Variants in CSNK1D observed in about 807,000 individuals in gnomAD.
CSNK1D encodes the protein casein kinase 1 delta.
A neutral mutation model predicts 46.6 loss-of-function variants in CSNK1D; 16 were observed. The observed-to-expected ratio is 0.34, with a 90% CI of 0.23 to 0.52. The LOEUF (loss-of-function observed/expected upper bound fraction) is 0.52. Ranked by LOEUF, CSNK1D falls within the 20% of genes least tolerant of loss-of-function variation. CSNK1D has a pLI of 0.95. For synonymous variants in CSNK1D, 276 were observed against 228.2 expected (o/e 1.21, Z -1.89); for missense variants, 398 against 578.4 (o/e 0.69, Z 3.20).
rs757504731 is a variant in CSNK1D, at chr17:82,249,565, C to G, written c.923G>C (p.Arg308Pro). The G allele has an allele frequency of 6.4e-7, 1 of 1,553,706 alleles. No homozygotes were observed. Among genetic ancestry groups the G allele is most frequent in the Non-Finnish European group, 8.7e-7 (1 of 1,152,304 alleles). The change falls in exon 7 of 9, where the codon CGC becomes CCC. Residue 308 changes from arginine to proline, a missense_variant. This residue lies in a region of CSNK1D where 181 missense variants were observed against 208.0 expected (regional missense o/e 0.87). Coordinates refer to ENST00000314028, the MANE Select transcript of CSNK1D (RefSeq NM_001893.6). The surrounding 1 kb of genome is among the most constrained non-coding windows in gnomAD (Gnocchi z 6.7). ...TCTCAGCCGCTCCTCTCGGTCCCTG[C>G]GCTCCCGCTCGGCGTCATCGGCGGC... ...SRAADDAERE[R>P]RDREERLRHS...
rs2050799046 is a variant in CSNK1D at position 82,244,454 on chromosome 17, TCAGGGAGTA to T, written c.*318_*326del. On this transcript the variant is annotated 3_prime_UTR_variant, in exon 9 of 9. Transcript: ENST00000314028. ...AAGATTGGTAGTTACAGTGGAATCG[TCAGGGAGTA>T]CAGGGCGGCCACCACTGGAGGGAGC... 3.0e-6 allele frequency: 4 copies of T among 1,327,980 alleles called. No homozygotes were observed. Among genetic ancestry groups the T allele is most frequent in the Admixed American group, 3.2e-5 (1 of 31,572 alleles). The allele number at this position is 1,327,980 out of a possible 1,614,324, so 82.3% of individuals were successfully genotyped here.
At chr17:82,240,114 T>C, downstream of CSNK1D, 4 of 1,213,804 alleles carry the variant, frequency 3.3e-6, no homozygotes, top group Non-Finnish European at 4.1e-6. Context: ...GCTGTCCCCA[T>C]CTGCCCCTGG....
chr17:82,246,981 T>C (rs2050866980), intron 8 of CSNK1D: 1 of 985,476 alleles, frequency 1.0e-6, no homozygotes. Flanking sequence ...GTGCTGGTGC[T>C]GGCAGAGTCT....
chr17:82,258,246 A>G (rs2051232353), intron 2 of CSNK1D, among the ~76,000 whole-genome samples: 1 of 150,822 alleles, frequency 6.6e-6, no homozygotes, highest in Non-Finnish European at 1.5e-5. Context: ...AGGCATATAC[A>G]TATATATGTG....
chr17:82,265,308 A>G lies in CSNK1D; in HGVS notation c.187+378T>C, dbSNP rs191102014. ...ATTCTCCTGCCTCAGCCTCCCAAAC[A>G]GCTGGGATTACAGGTGCACGCCATC... On this transcript the variant is annotated intron_variant, in intron 2 of 8. Transcript: ENST00000314028. 4.7e-3 allele frequency: 1,571 copies of G among 330,816 alleles called. 18 individuals carry two copies. The highest frequency in any genetic ancestry group is 0.023 in the South Asian group (936 of 40,230). The allele number at this position is 330,816 out of a possible 1,614,324, so 20.5% of individuals were successfully genotyped here.
At chr17:82,239,053 A>T, downstream of CSNK1D, 1 of 1,417,458 alleles carries the variant, frequency 7.1e-7, no homozygotes, top group South Asian at 1.5e-5. Flanking sequence ...TACAAACTGG[A>T]CTGGCTCAGG....
chr17:82,260,767 G>T (rs1181106940), intron 2 of CSNK1D: 2 of 155,646 alleles, frequency 1.3e-5, no homozygotes, highest in Non-Finnish European at 2.8e-5. Flanking sequence ...TATACTGACT[G>T]ATGTGACTGA....
At chr17:82,270,370 A>T (rs747080495) in intron 1 of CSNK1D, among the ~76,000 whole-genome samples, 18 of 152,174 alleles carry the variant, frequency 1.2e-4, no homozygotes, top group Non-Finnish European at 2.2e-4. Flanking sequence ...ATCTGAAAGC[A>T]CAGAAAGTCC....
chr17:82,265,634 C>T, intron 2 of CSNK1D, 52 bp downstream of exon 2: 2 of 1,395,214 alleles, frequency 1.4e-6, no homozygotes, highest in South Asian at 1.2e-5. Context: ...AGTTGCTGTT[C>T]TCCCTTGTCA....
chr17:82,241,044 A>T (rs1030098981), downstream of CSNK1D, among the ~76,000 whole-genome samples: 3 of 152,112 alleles, frequency 2.0e-5, no homozygotes, highest in Non-Finnish European at 2.9e-5. Flanking sequence ...TTCTAGTGCC[A>T]AAAGTGGTTC....
At chr17:82,257,301 T>A (rs2051197146) in intron 2 of CSNK1D, among the ~76,000 whole-genome samples, 2 of 152,236 alleles carry the variant, frequency 1.3e-5, no homozygotes, top group African/African-American at 2.4e-5. Context: ...GCATGTTTTT[T>A]ATTTTCTTCT....
chr17:82,253,462 T>G, intron 3 of CSNK1D: 1 of 557,472 alleles, frequency 1.8e-6, no homozygotes, highest in South Asian at 1.8e-5. Flanking sequence ...CCTAGGCGCT[T>G]TGCCTTCAGC....
chr17:82,268,678 T>C (rs926842270), intron 1 of CSNK1D, among the ~76,000 whole-genome samples: 2 of 152,164 alleles, frequency 1.3e-5, no homozygotes, highest in African/African-American at 4.8e-5. Context: ...CAAATTCAAC[T>C]CTTCCCTGCA....
chr17:82,248,816 C>A lies in CSNK1D; in HGVS notation c.1197+59G>T, dbSNP rs548941785. ...GAAGCCCTGGAGAAACCACAGCCCG[C>A]TCTTGACTCGGACGGGGTAGCCCGA... On this transcript the variant is annotated intron_variant, in intron 8 of 8. Coordinates refer to ENST00000314028, the MANE Select transcript of CSNK1D (RefSeq NM_001893.6). The surrounding 1 kb of genome is among the most constrained non-coding windows in gnomAD (Gnocchi z 4.1). 1.5e-4 allele frequency: 230 copies of A among 1,576,456 alleles called. No homozygotes were observed. Among genetic ancestry groups the A allele is most frequent in the Non-Finnish European group, 1.8e-4 (205 of 1,160,980 alleles).
At chr17:82,245,330 G>A (rs991870561) in intron 8 of CSNK1D, 2 of 273,744 alleles carry the variant, frequency 7.3e-6, no homozygotes, top group African/African-American at 4.4e-5. Flanking sequence ...AGCACAGCGT[G>A]GACGCCGGCC....
At chr17:82,260,001 T>C (rs1209120360) in intron 2 of CSNK1D, among the ~76,000 whole-genome samples, 4 of 151,020 alleles carry the variant, frequency 2.6e-5, no homozygotes. Flanking sequence ...TACTGAGTGA[T>C]GTGACTGATG....
rs113370422 is a variant in CSNK1D, at chr17:82,270,483, T to A, written c.76+2823A>T. ...GTAGGAATGGTCTTAACGATACTCA[T>A]ACTAGAATATACACGACACACAGAG... On this transcript the variant is annotated intron_variant, in intron 1 of 8. Coordinates refer to ENST00000314028, the MANE Select transcript of CSNK1D (RefSeq NM_001893.6). Among the ~76,000 whole-genome samples, 166 of 152,300 alleles carry A rather than the reference T, an allele frequency of 1.1e-3. No homozygotes were observed. In the Middle Eastern group the frequency reaches 0.017, roughly 16 times the overall value.
chr17:82,245,081 G>A (rs2050816051), intron 8 of CSNK1D: 6 of 610,066 alleles, frequency 9.8e-6, no homozygotes, highest in South Asian at 7.7e-5. Context: ...GGGCTCGGCA[G>A]GGTCGAAGGA....
chr17:82,248,795 C>T lies in CSNK1D; in HGVS notation c.1197+80G>A, dbSNP rs769952750. The T allele has an allele frequency of 3.2e-6, 5 of 1,551,096 alleles. No individual in the cohort carries two copies. The South Asian group carries it at 3.5e-5, about 11-fold the overall frequency. ...TGGGGGGAAGAAAGGAAAGAAGAAGCCCTGGAGAAACCACAGCCCGCTCTT... is the reference window on the plus strand; with the variant it reads ...TGGGGGGAAGAAAGGAAAGAAGAAGTCCTGGAGAAACCACAGCCCGCTCTT... On this transcript the variant is annotated intron_variant, in intron 8 of 8. Coordinates refer to ENST00000314028, the MANE Select transcript of CSNK1D (RefSeq NM_001893.6). The surrounding 1 kb of genome is among the most constrained non-coding windows in gnomAD (Gnocchi z 4.1).
Sources: allele counts gnomAD v4.1 joint callset (sites outside exome capture counted in the v4.1 genomes callset), GRCh38; gene constraint gnomAD v4.1.1; regional missense constraint gnomAD v4.1.1; non-coding constraint Gnocchi (gnomAD v3.1); transcripts MANE v1.5; gene names NCBI Gene and HGNC (gene_info 2026-07-23, HGNC 2026-07-21).